Variants in NFX1 observed in about 807,000 individuals in gnomAD.
The protein encoded by NFX1 is nuclear transcription factor, X-box binding 1.
NFX1 carries 69 observed loss-of-function variants against 137.2 expected under a neutral mutation model. The ratio of observed to expected loss-of-function variants is 0.50; its 90% CI spans 0.41 to 0.61. The LOEUF (loss-of-function observed/expected upper bound fraction) is 0.61. NFX1 is among the 20% of genes least tolerant of loss of function. The pLI is 0.00. For synonymous variants in NFX1, 495 were observed against 474.1 expected, an observed-to-expected ratio of 1.04 and a Z score of -0.57; for missense variants, 1,167 against 1,391.0, an observed-to-expected ratio of 0.84 and a Z score of 2.56.
At chr9:33,311,067 C>G in intron 5 of NFX1, 39 bp from the exon 6 acceptor site, 2 of 1,602,756 alleles carry the variant, frequency 1.2e-6, no homozygotes, top group Non-Finnish European at 1.7e-6. Context: ...GGTTTGGATA[C>G]ATGGCTGTGG....
chr9:33,291,858 GTGCCAC>G (rs1233886929), intron 1 of NFX1, among the ~76,000 whole-genome samples: 1 of 152,128 alleles, frequency 6.6e-6, no homozygotes, highest in Non-Finnish European at 1.5e-5. Flanking sequence ...AGCCAAGATC[GTGCCAC>G]TGCACTCCAG....
intron 23 of NFX1, among the ~76,000 whole-genome samples, chr9:33,369,622 G>T (rs1461625817): frequency 6.6e-6 from 1 of 152,076 alleles, no homozygotes; most frequent in Non-Finnish European, 1.5e-5. Flanking sequence ...ATGAAATCCT[G>T]TAAATAGATT....
Position 33,351,747 on chromosome 9 carries a change from GC to G in NFX1, c.2614del (p.His872IlefsTer8). The G allele has an allele frequency of 6.2e-7, 1 of 1,608,398 alleles. No individual in the cohort carries two copies. Among genetic ancestry groups the G allele is most frequent in the Non-Finnish European group, 8.5e-7 (1 of 1,177,354 alleles). On this transcript the variant is annotated frameshift_variant, in exon 16 of 24. Coordinates refer to ENST00000379540, the MANE Select transcript of NFX1 (RefSeq NM_002504.6). LOFTEE classifies it high-confidence loss of function. Reference protein sequence around the residue: ...ADCGHPCMAPCHTSSPCPVTA... With the variant: ...ADCGHPCMAPXHTSSPCPVTA... ...TGTGGTCACCCGTGTATGGCACCCT[GC>G]CATACCAGCTCACCCTGCCCTGTGA...
chr9:33,292,430 C>T (rs1284603711), intron 1 of NFX1, among the ~76,000 whole-genome samples: 1 of 152,160 alleles, frequency 6.6e-6, no homozygotes, highest in African/African-American at 2.4e-5. Flanking sequence ...GTTGGATTTC[C>T]CTTTAGTCTG....
At chr9:33,300,534 TCA>T (rs1821520305) in intron 2 of NFX1, among the ~76,000 whole-genome samples, 1 of 152,188 alleles carries the variant, frequency 6.6e-6, no homozygotes, top group African/African-American at 2.4e-5. Flanking sequence ...ATACACACAC[TCA>T]CACTCAGTTT....
rs955429647 is a variant in NFX1, at chr9:33,307,290, C to A, written c.1367C>A (p.Ser456Tyr). The stretch of plus-strand genomic sequence containing the variant: ...CAGCCTGGCCAGGACTGCCCACATT[C>A]CTGTAACCTGTAAGTTGGAATGCTA... ...KKQPGQDCPH[S>Y]CNLLCHPGPC... Residue 456 changes from serine to tyrosine, a missense_variant, in exon 5 of 24, where the codon TCC becomes TAC. Coordinates refer to ENST00000379540, the MANE Select transcript of NFX1 (RefSeq NM_002504.6). 5 of 1,613,160 alleles carry A rather than the reference C, an allele frequency of 3.1e-6. No homozygotes were observed. In the African/African-American group the frequency reaches 6.7e-5, roughly 22 times the overall value.
intron 9 of NFX1, among the ~76,000 whole-genome samples, chr9:33,325,639 G>C (rs1324710092): frequency 6.6e-6 from 1 of 151,720 alleles, no homozygotes; most frequent in Non-Finnish European, 1.5e-5. Context: ...ACTCCAGCCT[G>C]GGCAACAGAG....
chr9:33,311,365 T>C (rs1821953670), intron 6 of NFX1, among the ~76,000 whole-genome samples, 188 bp downstream of exon 6: 1 of 152,108 alleles, frequency 6.6e-6, no homozygotes, highest in South Asian at 2.1e-4. Context: ...AGAAGGAAAG[T>C]ACAACTTGGA....
rs551983244 is a variant in NFX1 at position 33,311,626 on chromosome 9, C to A, written c.1448+449C>A. ...GGAGTGCAGTGGTGCGATCTCGGCT[C>A]ACTGCAACCTCTGCTGCCTGGGTTC... On this transcript the variant is annotated intron_variant, in intron 6 of 23. Coordinates refer to ENST00000379540, the MANE Select transcript of NFX1 (RefSeq NM_002504.6). Among the ~76,000 whole-genome samples, 17 of 151,832 alleles carry A rather than the reference C, an allele frequency of 1.1e-4. No homozygotes were observed. The East Asian group carries it at 3.3e-3, about 30-fold the overall frequency.
chr9:33,301,481 T>C, intron 3 of NFX1, 60 bp downstream of exon 3: 1 of 1,527,228 alleles, frequency 6.5e-7, no homozygotes, highest in Non-Finnish European at 8.8e-7. Context: ...TTAAGTATTA[T>C]TAAGCCCAGC....
chr9:33,343,182 T>C (rs1587860710), intron 13 of NFX1, among the ~76,000 whole-genome samples: 1 of 152,200 alleles, frequency 6.6e-6, no homozygotes, highest in South Asian at 2.1e-4. Context: ...GTTTGCAAAC[T>C]TTTTGGTTGT....
intron 9 of NFX1, among the ~76,000 whole-genome samples, chr9:33,325,175 G>C (rs1049877908): frequency 3.9e-5 from 6 of 152,150 alleles, no homozygotes; most frequent in African/African-American, 1.4e-4. Context: ...GTAGGAAAGA[G>C]ATCCACATCT....
chr9:33,336,504 G>A (rs947036196), intron 11 of NFX1, among the ~76,000 whole-genome samples: 10 of 152,082 alleles, frequency 6.6e-5, no homozygotes, highest in African/African-American at 1.9e-4. Context: ...GTGAGCCACC[G>A]CACCGACCAT....
At chr9:33,334,242 GC>G (rs1822916298) in intron 11 of NFX1, among the ~76,000 whole-genome samples, 1 of 152,298 alleles carries the variant, frequency 6.6e-6, no homozygotes, top group South Asian at 2.1e-4. Context: ...ATCACTTAAA[GC>G]CAGGAGTTCA....
At chr9:33,336,879 A>C (rs1243723974) in intron 11 of NFX1, among the ~76,000 whole-genome samples, 1 of 152,182 alleles carries the variant, frequency 6.6e-6, no homozygotes, top group Non-Finnish European at 1.5e-5. Flanking sequence ...AGGCAGGCGG[A>C]TCACTTGAGG....
chr9:33,349,430 G>C (rs1823554255), intron 15 of NFX1, among the ~76,000 whole-genome samples: 1 of 152,176 alleles, frequency 6.6e-6, no homozygotes, highest in African/African-American at 2.4e-5. Context: ...CTTTGCCCTG[G>C]TAGTAGAATG....
At chr9:33,320,673 T>C (rs1822351490) in intron 9 of NFX1, among the ~76,000 whole-genome samples, 1 of 152,210 alleles carries the variant, frequency 6.6e-6, no homozygotes, top group African/African-American at 2.4e-5. Flanking sequence ...TGTCTGCAGT[T>C]TTGCAATGAC....
rs527959387 is a variant in NFX1, at chr9:33,355,624, T to TA, written c.2873+736dup. 1.3e-3 allele frequency among the ~76,000 whole-genome samples: 199 copies of TA among 149,530 alleles called. 1 individual carries two copies. The highest frequency in any genetic ancestry group is 2.0e-3 in the Admixed American group (30 of 14,848). ...GTATTAACTGTTAGACTATTACAAA[T>TA]AAAACTGTTAAGAATTCTTTTTTTT... On this transcript the variant is annotated intron_variant, in intron 19 of 23. Coordinates refer to ENST00000379540, the MANE Select transcript of NFX1 (RefSeq NM_002504.6).
At chr9:33,303,318 C>T in intron 4 of NFX1, 50 bp downstream of exon 4, 1 of 1,504,114 alleles carries the variant, frequency 6.6e-7, no homozygotes, top group Admixed American at 1.7e-5. Flanking sequence ...TACATTGTAC[C>T]TCAGTTCAGG....
Sources: gnomAD v4.1 joint callset for allele counts (sites outside exome capture counted in the v4.1 genomes callset) on GRCh38, gnomAD v4.1.1 for gene constraint, MANE v1.5 for transcripts, NCBI Gene and HGNC (gene_info 2026-07-23, HGNC 2026-07-21) for gene names.